The following NPLOC4 variants were observed in gnomAD, a reference collection of about 807,000 sequenced individuals.
NPLOC4 encodes nuclear protein localization protein 4 homolog.
Under a neutral mutation model 80.6 loss-of-function variants are expected in NPLOC4, and 18 were observed. The observed-to-expected ratio is 0.22, with a 90% CI of 0.15 to 0.33. The LOEUF (loss-of-function observed/expected upper bound fraction) is 0.33, where lower values mean the gene tolerates loss of function less well. Ranked by LOEUF, NPLOC4 falls within the 10% of genes least tolerant of loss-of-function variation. The pLI, the probability that NPLOC4 is intolerant of heterozygous loss-of-function variation, is 1.00. For synonymous variants in NPLOC4, 313 were observed against 301.5 expected, an observed-to-expected ratio of 1.04 and a Z score of -0.39; for missense variants, 540 against 786.1, an observed-to-expected ratio of 0.69 and a Z score of 3.74.
rs1336021525 is a variant in NPLOC4 at position 81,558,868 on chromosome 17, G to A, written c.*391C>T. 1 of 160,702 alleles carries A rather than the reference G, an allele frequency of 6.2e-6. No individual in the cohort carries two copies. Among genetic ancestry groups the A allele is most frequent in the Non-Finnish European group, 1.4e-5 (1 of 73,686 alleles). The allele number at this position is 160,702 out of a possible 1,614,324, so 10.0% of individuals were successfully genotyped here. A position where few individuals can be genotyped will look rare whatever the true frequency, so the allele number is the denominator to read the frequency against. On this transcript the variant is annotated 3_prime_UTR_variant, in exon 17 of 17. Transcript: ENST00000331134. ...CCAGCCAGAAAAACATGGGGGCAGG[G>A]AGGCCAAACAAAAAGCACTGAAAAT... is the stretch of plus-strand genomic sequence containing the variant.
intron 3 of NPLOC4, among the ~76,000 whole-genome samples, 192 bp from the exon 4 acceptor site, chr17:81,613,686 G>A (rs1003346566): frequency 2.6e-5 from 4 of 152,130 alleles, no homozygotes; most frequent in African/African-American, 7.2e-5. Flanking sequence ...AGACCAGTAT[G>A]CAGGTTCTCT....
Position 81,613,511 on chromosome 17 carries a change from C to G in NPLOC4, c.210-17G>C. On this transcript the variant is annotated splice_polypyrimidine_tract_variant and intron_variant, in intron 3 of 16. Coordinates refer to ENST00000331134, the MANE Select transcript of NPLOC4 (RefSeq NM_017921.4). ...TCGCCATGCCTGTTCAAATGATAAA[C>G]AGAGGCTGATGCCTTCCCTTACCAC... The G allele has an allele frequency of 6.2e-7, 1 of 1,605,276 alleles. No individual in the cohort carries two copies. Among genetic ancestry groups the G allele is most frequent in the Non-Finnish European group, 8.5e-7 (1 of 1,176,110 alleles).
chr17:81,617,028 C>T (rs1421976083), intron 3 of NPLOC4, among the ~76,000 whole-genome samples: 2 of 152,148 alleles, frequency 1.3e-5, no homozygotes, highest in Non-Finnish European at 2.9e-5. Flanking sequence ...GATGCATCTA[C>T]AGCAATGCAG....
intron 12 of NPLOC4, among the ~76,000 whole-genome samples, chr17:81,573,252 T>A (rs2034207759): frequency 6.6e-6 from 1 of 152,156 alleles, no homozygotes; most frequent in South Asian, 2.1e-4. Context: ...AAAGTTTACG[T>A]TTATTGGAGC....
intron 9 of NPLOC4, among the ~76,000 whole-genome samples, chr17:81,600,098 ATT>A (rs900794077): frequency 6.8e-6 from 1 of 146,118 alleles, no homozygotes; most frequent in Admixed American, 6.9e-5. Flanking sequence ...CTGCACTGGG[ATT>A]TTTTTTTTTT....
At chr17:81,569,623 C>T (rs1428656338) in intron 13 of NPLOC4, among the ~76,000 whole-genome samples, 4 of 152,206 alleles carry the variant, frequency 2.6e-5, no homozygotes, top group Non-Finnish European at 4.4e-5. Context: ...TCACTAAGCC[C>T]CTTCTGAATG....
At chr17:81,579,889 G>A (rs1221098690) in intron 12 of NPLOC4, among the ~76,000 whole-genome samples, 1 of 151,658 alleles carries the variant, frequency 6.6e-6, no homozygotes, top group East Asian at 1.9e-4. Context: ...ATTCTCCTCT[G>A]TGAGCTCACC....
intron 4 of NPLOC4, chr17:81,612,539 TA>T (rs1350620732): frequency 6.6e-6 from 1 of 152,104 alleles, no homozygotes; most frequent in Non-Finnish European, 1.5e-5. Flanking sequence ...ATCTAAGACA[TA>T]AAAGTTGCTA....
Position 81,567,777 on chromosome 17 carries a change from T to C in NPLOC4, c.1450-244A>G, listed in dbSNP as rs981393639. On this transcript the variant is annotated intron_variant, in intron 14 of 16. Coordinates refer to ENST00000331134, the MANE Select transcript of NPLOC4 (RefSeq NM_017921.4). This position sits in a 1 kb window ranked among gnomAD's most constrained non-coding sequence, Gnocchi z 4.5. ...GACTACCCAGATGTGCAAGGAGACATGCTTATAAAGCTGACTCAGACTGGC... is the reference window on the plus strand; with the variant it reads ...GACTACCCAGATGTGCAAGGAGACACGCTTATAAAGCTGACTCAGACTGGC... Among the ~76,000 whole-genome samples, 2 of 152,196 alleles carry C rather than the reference T, an allele frequency of 1.3e-5. No individual in the cohort carries two copies. Among genetic ancestry groups the C allele is most frequent in the East Asian group, 1.9e-4 (1 of 5,194 alleles).
intron 8 of NPLOC4, among the ~76,000 whole-genome samples, chr17:81,603,891 C>T (rs1035809828): frequency 6.6e-6 from 1 of 152,158 alleles, no homozygotes; most frequent in South Asian, 2.1e-4. Flanking sequence ...CATCATTATA[C>T]ATAATTACAA....
chr17:81,617,479 G>C (rs950235979), intron 3 of NPLOC4, among the ~76,000 whole-genome samples: 1 of 152,076 alleles, frequency 6.6e-6, no homozygotes, highest in African/African-American at 2.4e-5. Flanking sequence ...TTCAAGACTA[G>C]CCTGACCAAC....
chr17:81,616,486 G>A lies in NPLOC4; in HGVS notation c.210-2992C>T, dbSNP rs139217282. On this transcript the variant is annotated intron_variant, in intron 3 of 16. Coordinates refer to ENST00000331134, the MANE Select transcript of NPLOC4 (RefSeq NM_017921.4). ...TGGCTCACACCTGTAATCCCAGCAC[G>A]TTGGGAGGCCGAGGCAGGAGGATCA... 5.9e-4 allele frequency among the ~76,000 whole-genome samples: 89 copies of A among 151,766 alleles called. 2 individuals carry two copies. In the East Asian group the frequency reaches 0.015, roughly 25 times the overall value.
chr17:81,603,737 C>T lies in NPLOC4; in HGVS notation c.834+811G>A, dbSNP rs143330142. 8.8e-3 allele frequency among the ~76,000 whole-genome samples: 1,338 copies of T among 152,272 alleles called. 8 individuals carry two copies. Among genetic ancestry groups the T allele is most frequent in the Middle Eastern group, 0.034 (10 of 294 alleles). On this transcript the variant is annotated intron_variant, in intron 8 of 16. Coordinates refer to ENST00000331134, the MANE Select transcript of NPLOC4 (RefSeq NM_017921.4). ...CTGTCCCTCTAGTCACCCATCAATTCATTTTATTTTTCTATTGGATTTCAA... is the reference window on the plus strand; with the variant it reads ...CTGTCCCTCTAGTCACCCATCAATTTATTTTATTTTTCTATTGGATTTCAA...
chr17:81,615,100 C>CTTTCTTTTTT (rs749807551), intron 3 of NPLOC4, among the ~76,000 whole-genome samples: 8 of 133,568 alleles, frequency 6.0e-5, no homozygotes, highest in East Asian at 2.2e-4. Context: ...ACGTCTGTTT[C>CTTTCTTTTTT]TTTTTTTTTT....
intron 12 of NPLOC4, among the ~76,000 whole-genome samples, chr17:81,574,121 G>A (rs1250665945): frequency 1.3e-5 from 2 of 152,218 alleles, no homozygotes; most frequent in Non-Finnish European, 2.9e-5. Flanking sequence ...CAAAAATACA[G>A]GCTTGCCCCT....
chr17:81,628,588 C>T (rs2035857500), intron 2 of NPLOC4, among the ~76,000 whole-genome samples: 1 of 152,108 alleles, frequency 6.6e-6, no homozygotes. Context: ...ACCCAAAGGT[C>T]TGTGACCAAC....
chr17:81,617,653 C>T (rs950163619), intron 3 of NPLOC4, among the ~76,000 whole-genome samples: 18 of 150,168 alleles, frequency 1.2e-4, no homozygotes, highest in African/African-American at 4.2e-4. Flanking sequence ...ATTAAAAACA[C>T]AAAAAATGCC....
chr17:81,595,407 C>T (rs2034875340), intron 11 of NPLOC4, among the ~76,000 whole-genome samples: 1 of 138,874 alleles, frequency 7.2e-6, no homozygotes, highest in Non-Finnish European at 1.5e-5. Context: ...GCACTCCAGC[C>T]TAAATGACAG....
chr17:81,602,934 T>C (rs955420138), intron 8 of NPLOC4, among the ~76,000 whole-genome samples: 14 of 146,602 alleles, frequency 9.5e-5, no homozygotes, highest in East Asian at 3.9e-4. Flanking sequence ...CACACACACA[T>C]ATATATATAC....
Sources: gnomAD v4.1 joint callset for allele counts (sites outside exome capture counted in the v4.1 genomes callset) on GRCh38, gnomAD v4.1.1 for gene constraint, Gnocchi (gnomAD v3.1) non-coding constraint, MANE v1.5 for transcripts, NCBI Gene and HGNC (gene_info 2026-07-23, HGNC 2026-07-21) for gene names.